Variants in PCARE observed in about 807,000 individuals in gnomAD.
PCARE encodes the protein photoreceptor cilium actin regulator.
A neutral mutation model predicts 82.2 loss-of-function variants in PCARE; 72 were observed. That is an observed-to-expected ratio of 0.88 (90% CI 0.72 to 1.07). The LOEUF (loss-of-function observed/expected upper bound fraction) is 1.07, where lower values mean the gene tolerates loss of function less well. PCARE is among the 50% of genes least tolerant of loss of function. PCARE has a pLI of 0.00. For missense variants in PCARE, 1,768 were observed against 1,592.4 expected, an observed-to-expected ratio of 1.11 and a Z score of -1.88; for synonymous variants, 705 against 634.8, an observed-to-expected ratio of 1.11 and a Z score of -1.66.
rs1667362562 is a variant in PCARE at position 29,064,547 on chromosome 2, C to A, written c.*322G>T. On this transcript the variant is annotated 3_prime_UTR_variant, in exon 2 of 2. Coordinates refer to ENST00000331664, the MANE Select transcript of PCARE (RefSeq NM_001029883.3). Reference sequence around the variant, plus strand: ...TCTCAAGGAATGAACCCAGTTAAAACCCTATCAAGCATGCAACTATACATT... The same window carrying A: ...TCTCAAGGAATGAACCCAGTTAAAAACCTATCAAGCATGCAACTATACATT... The A allele has an allele frequency of 6.0e-6, 3 of 502,826 alleles. No homozygotes were observed. The highest frequency in any genetic ancestry group is 2.3e-5 in the South Asian group (1 of 43,938). The allele number at this position is 502,826 out of a possible 1,614,324, so 31.1% of individuals were successfully genotyped here.
At position 29,065,031 on chromosome 2, in the gene PCARE, C is replaced by T. The variant is rs191767954; in HGVS notation, c.3705G>A (p.Pro1235=). The change falls in exon 2 of 2, where the codon CCG becomes CCA. Residue 1235 remains proline (P), a synonymous_variant. Coordinates refer to ENST00000331664, the MANE Select transcript of PCARE (RefSeq NM_001029883.3). ...GTTCAGGGGAACAGGGGCTGCTCCC[C>T]GGCTCTGTGTCCTTCTTAGGGCTCT... ...SEESPKKDTE[P]GSSPCSPELQ... The T allele has an allele frequency of 2.8e-4, 436 of 1,554,032 alleles. No homozygotes were observed. The highest frequency in any genetic ancestry group is 1.3e-3 in the Middle Eastern group (8 of 5,942).
At chr2:29,065,135 G>C in intron 1 of PCARE, 68 bp from the exon 2 acceptor site, 2 of 1,495,512 alleles carry the variant, frequency 1.3e-6, no homozygotes, top group Non-Finnish European at 1.8e-6. Context: ...CCCCACCCCT[G>C]TCCTCCATTC....
intron 1 of PCARE, among the ~76,000 whole-genome samples, chr2:29,070,339 T>G (rs1667449979): frequency 6.6e-6 from 1 of 152,160 alleles, no homozygotes; most frequent in South Asian, 2.1e-4. Flanking sequence ...GAACTTGATT[T>G]TTTTTAATAC....
At chr2:29,068,662 AT>A (rs1182108836) in intron 1 of PCARE, among the ~76,000 whole-genome samples, 1 of 152,186 alleles carries the variant, frequency 6.6e-6, no homozygotes, top group Non-Finnish European at 1.5e-5. Flanking sequence ...CTCACGCCCC[AT>A]TGCGGCTGCA....
At position 29,064,897 on chromosome 2, in the gene PCARE, G is replaced by A. The variant is rs771588718; in HGVS notation, c.3839C>T (p.Ala1280Val). The A allele has an allele frequency of 3.7e-6, 6 of 1,611,668 alleles. No individual in the cohort carries two copies. Among genetic ancestry groups the A allele is most frequent in the African/African-American group, 1.3e-5 (1 of 74,864 alleles). ...GGACACCTCCTCTTGCTGGGGCTGC[G>A]CCTCTGGCTGGGATTTGTCCTGGAT... Reference protein sequence around the residue: ...GHIQDKSQPEAQPQQEEVS With the variant: ...GHIQDKSQPEVQPQQEEVS Residue 1280 changes from alanine to valine, a missense_variant, in exon 2 of 2, where the codon GCG becomes GTG. Transcript: ENST00000331664.
intron 1 of PCARE, among the ~76,000 whole-genome samples, chr2:29,070,100 T>C (rs898382872): frequency 6.9e-6 from 1 of 144,122 alleles, no homozygotes; most frequent in Non-Finnish European, 1.5e-5. Context: ...ATTTTATTTT[T>C]TTGAGATATA....
chr2:29,073,745 T>A lies in PCARE; in HGVS notation c.517A>T (p.Lys173Ter). ...TIHPAHEPEG[K>*]VDFPEPLVKA... is the part of the protein sequence containing the mutation. The stretch of plus-strand genomic sequence containing the variant: ...ACCAGAGGCTCCGGGAAGTCCACTT[T>A]GCCTTCAGGCTCATGAGCAGGGTGG... Residue 173 changes from lysine to a stop codon, truncating the protein, a stop_gained, in exon 1 of 2, where the codon AAA (lysine) becomes TAA (stop). Transcript: ENST00000331664. LOFTEE classifies it high-confidence loss of function. 6.2e-7 allele frequency: 1 copy of A among 1,614,226 alleles called. No homozygotes were observed. Among genetic ancestry groups the A allele is most frequent in the Non-Finnish European group, 8.5e-7 (1 of 1,180,036 alleles).
chr2:29,066,903 A>T (rs951339724), intron 1 of PCARE, among the ~76,000 whole-genome samples: 6 of 152,228 alleles, frequency 3.9e-5, no homozygotes, highest in Non-Finnish European at 7.3e-5. Flanking sequence ...CAGTGCCCCA[A>T]CATCCTGAGA....
Position 29,064,899 on chromosome 2 carries a change from C to G in PCARE, c.3837G>C (p.Glu1279Asp). 1 of 1,611,986 alleles carries G rather than the reference C, an allele frequency of 6.2e-7. No individual in the cohort carries two copies. ...TGHIQDKSQP[E>D]AQPQQEEVS ...ACACCTCCTCTTGCTGGGGCTGCGC[C>G]TCTGGCTGGGATTTGTCCTGGATGT... is the stretch of plus-strand genomic sequence containing the variant. The change falls in exon 2 of 2, where the codon GAG becomes GAC. Residue 1279 changes from glutamate (E) to aspartate (D), a missense_variant. Physicochemically the swap from Glu to Asp is conservative, Grantham distance 45 (BLOSUM62 2). Transcript: ENST00000331664.
chr2:29,065,195 G>T, intron 1 of PCARE, 128 bp from the exon 2 acceptor site: 2 of 1,134,758 alleles, frequency 1.8e-6, no homozygotes, highest in Non-Finnish European at 2.6e-6. Context: ...TTCACCCTGG[G>T]TGCCAGGCCT....
intron 1 of PCARE, among the ~76,000 whole-genome samples, chr2:29,067,383 AG>A (rs1315820659): frequency 6.6e-6 from 1 of 152,178 alleles, no homozygotes; most frequent in Non-Finnish European, 1.5e-5. Flanking sequence ...ACCTGGGGGC[AG>A]GGGTGCTGGG....
rs776459304 is a variant in PCARE, at chr2:29,073,827, C to T, written c.435G>A (p.Trp145Ter). 3.7e-6 allele frequency: 6 copies of T among 1,614,210 alleles called. No homozygotes were observed. Among genetic ancestry groups the T allele is most frequent in the Non-Finnish European group, 5.1e-6 (6 of 1,180,042 alleles). Residue 145 changes from tryptophan (W) to a stop codon, truncating the protein, a stop_gained, in exon 1 of 2, where the codon TGG becomes TGA. Coordinates refer to ENST00000331664, the MANE Select transcript of PCARE (RefSeq NM_001029883.3). LOFTEE classifies it high-confidence loss of function. ...EESSTQDTSKWKRTAKCHTSS... is the reference protein window; with the variant it reads ...EESSTQDTSK ...ACGTGTGACATTTTGCTGTCCTTTT[C>T]CATTTGGAAGTATCTTGGGTACTAC... is the stretch of plus-strand genomic sequence containing the variant.
In PCARE at chr2:29,070,826, G is replaced by T. The variant is rs199516964; in HGVS notation, c.3436C>A (p.Pro1146Thr). 1 of 1,614,048 alleles carries T rather than the reference G, an allele frequency of 6.2e-7. No individual in the cohort carries two copies. The highest frequency in any genetic ancestry group is 8.5e-7 in the Non-Finnish European group (1 of 1,180,058). The change falls in exon 1 of 2, where the codon CCA becomes ACA. Residue 1146 changes from proline (P) to threonine (T), a missense_variant. By Grantham distance (38) the Pro-to-Thr change is conservative. Transcript: ENST00000331664. ...CCCCCAGCCTCTGGCGGCAGCGATG[G>T]TGGGGTCAGTGGGTGGGCTGTTGAG... ...PLSTAHPLTPPSLPPEAGGPL... is the reference protein window; with the variant it reads ...PLSTAHPLTPTSLPPEAGGPL...
chr2:29,069,365 A>G (rs1667437603), intron 1 of PCARE, among the ~76,000 whole-genome samples: 1 of 152,258 alleles, frequency 6.6e-6, no homozygotes, highest in Non-Finnish European at 1.5e-5. Flanking sequence ...CTATGCAGCC[A>G]TAATAAAGAA....
chr2:29,069,032 T>A (rs1289877246), intron 1 of PCARE, among the ~76,000 whole-genome samples: 2 of 152,210 alleles, frequency 1.3e-5, no homozygotes, highest in African/African-American at 4.8e-5. Context: ...TCTTTCTCAC[T>A]CATTCTTTTG....
At chr2:29,068,803 A>T (rs1667429507) in intron 1 of PCARE, among the ~76,000 whole-genome samples, 1 of 152,102 alleles carries the variant, frequency 6.6e-6, no homozygotes, top group African/African-American at 2.4e-5. Context: ...GGTGCTCAGC[A>T]CTCATGAAGA....
chr2:29,071,302 C>T lies in PCARE; in HGVS notation c.2960G>A (p.Ser987Asn). 6.2e-7 allele frequency: 1 copy of T among 1,613,434 alleles called. No homozygotes were observed. Among genetic ancestry groups the T allele is most frequent in the Non-Finnish European group, 8.5e-7 (1 of 1,179,918 alleles). The change falls in exon 1 of 2, where the codon AGC becomes AAC. Residue 987 changes from serine to asparagine, a missense_variant. Ser to Asn is a conservative substitution (Grantham distance 46). Coordinates refer to ENST00000331664, the MANE Select transcript of PCARE (RefSeq NM_001029883.3). Reference protein sequence around the residue: ...LARPRQSRERSPPVGRKASPT... With the variant: ...LARPRQSRERNPPVGRKASPT... ...AGAGGCCTTTCTGCCCACAGGGGGG[C>T]TTCTCTCTCGGCTCTGCCTTGGTCT...
chr2:29,065,919 G>A (rs1402105204), intron 1 of PCARE, among the ~76,000 whole-genome samples: 1 of 152,162 alleles, frequency 6.6e-6, no homozygotes, highest in Non-Finnish European at 1.5e-5. Flanking sequence ...GTCCTAGGAG[G>A]GCGGATCACC....
chr2:29,070,466 T>C lies in PCARE; in HGVS notation c.3668+128A>G. 3.1e-6 allele frequency: 4 copies of C among 1,302,228 alleles called. No individual in the cohort carries two copies. The Admixed American group carries it at 5.4e-5, about 17-fold the overall frequency. 80.7% of individuals were successfully genotyped at this position (1,302,228 alleles called of 1,614,324 possible). On this transcript the variant is annotated intron_variant, in intron 1 of 1. Transcript: ENST00000331664. ...GCTGGAACTGCCCCCTACACCTTTTTCCCAACTGCCTCTTCTCTTGGAGCA... is the reference window on the plus strand; with the variant it reads ...GCTGGAACTGCCCCCTACACCTTTTCCCCAACTGCCTCTTCTCTTGGAGCA...
Sources: allele counts gnomAD v4.1 joint callset (sites outside exome capture counted in the v4.1 genomes callset), GRCh38; gene constraint gnomAD v4.1.1; transcripts MANE v1.5; gene names NCBI Gene and HGNC (gene_info 2026-07-23, HGNC 2026-07-21).